SCHIP1: variants seen among roughly 807,000 people sequenced by gnomAD.
The protein encoded by SCHIP1 is schwannomin-interacting protein 1.
In SCHIP1, 8 loss-of-function variants were observed where a neutral mutation model predicts 29.7. The observed-to-expected ratio is 0.27, with a 90% confidence interval of 0.16 to 0.49. The LOEUF (loss-of-function observed/expected upper bound fraction) is 0.49. Ranked by LOEUF, SCHIP1 falls within the 20% of genes least tolerant of loss-of-function variation. The probability of loss-of-function intolerance (pLI) is 0.99; values close to 1 mark genes in which losing one functional copy is unlikely to be tolerated. For missense variants in SCHIP1, 193 were observed against 294.6 expected (o/e 0.66, Z 2.52); for synonymous variants, 76 against 94.9 (o/e 0.80, Z 1.16).
chr3:159,432,097 G>T, the SCHIP1 span, among the ~76,000 whole-genome samples: 14 of 152,174 alleles, frequency 9.2e-5, no homozygotes, highest in East Asian at 2.1e-3. Flanking sequence ...CTGTCATGAG[G>T]CTACAGTTAA....
chr3:159,532,199 G>A, the SCHIP1 span, among the ~76,000 whole-genome samples: 30 of 152,142 alleles, frequency 2.0e-4, no homozygotes, highest in East Asian at 3.9e-3. Context: ...GCAAGATGCC[G>A]CTTTTTTTCT....
the SCHIP1 span, among the ~76,000 whole-genome samples, chr3:159,592,266 G>A: frequency 2.0e-5 from 3 of 152,100 alleles, no homozygotes; most frequent in Non-Finnish European, 2.9e-5. Flanking sequence ...AAGGTGTTGT[G>A]CTGCCAAGGC....
the SCHIP1 span, among the ~76,000 whole-genome samples, chr3:159,328,203 G>A: frequency 0.01 from 1,523 of 152,256 alleles, 24 homozygotes; most frequent in Non-Finnish European, 0.015. Flanking sequence ...ACAAAACATA[G>A]TGTGTAATGA....
At chr3:159,470,063 A>C in the SCHIP1 span, among the ~76,000 whole-genome samples, 2 of 152,136 alleles carry the variant, frequency 1.3e-5, no homozygotes, top group Admixed American at 1.3e-4. Context: ...TTATCAATAG[A>C]TGTAAAAAAT....
At chr3:159,300,327 T>C in the SCHIP1 span, among the ~76,000 whole-genome samples, 1 of 151,538 alleles carries the variant, frequency 6.6e-6, no homozygotes, top group Non-Finnish European at 1.5e-5. Context: ...AGAGATGAAA[T>C]CTCACTATGT....
chr3:159,513,475 C>A, the SCHIP1 span, among the ~76,000 whole-genome samples: 1 of 112,094 alleles, frequency 8.9e-6, no homozygotes, highest in African/African-American at 4.5e-5. Flanking sequence ...TTTTCTTTTG[C>A]CTTTTTAGTA....
chr3:159,563,234 CCCT>C, the SCHIP1 span, among the ~76,000 whole-genome samples: 2 of 152,114 alleles, frequency 1.3e-5, no homozygotes, highest in Admixed American at 6.5e-5. Flanking sequence ...TTAATATTAT[CCCT>C]CCATGTGATT....
At chr3:159,839,837 G>T, upstream of SCHIP1, 2 of 1,258,360 alleles carry the variant, frequency 1.6e-6, no homozygotes, top group Non-Finnish European at 2.0e-6. Flanking sequence ...GCACCAGAAG[G>T]TCACACCAGC....
At chr3:159,644,011 A>C in the SCHIP1 span, among the ~76,000 whole-genome samples, 1 of 152,060 alleles carries the variant, frequency 6.6e-6, no homozygotes, top group Non-Finnish European at 1.5e-5. Context: ...CTCAACATAG[A>C]AACATTTCTA....
At chr3:159,669,022 C>A in the SCHIP1 span, among the ~76,000 whole-genome samples, 1 of 152,130 alleles carries the variant, frequency 6.6e-6, no homozygotes. Flanking sequence ...GTAGGTTCTA[C>A]AAGAGACCAG....
chr3:159,511,344 G>A, the SCHIP1 span, among the ~76,000 whole-genome samples: 7 of 152,276 alleles, frequency 4.6e-5, no homozygotes, highest in Middle Eastern at 3.4e-3. Flanking sequence ...GGGAGTGACC[G>A]GATTTTCCAG....
chr3:159,393,227 G>A, the SCHIP1 span, among the ~76,000 whole-genome samples: 4 of 152,146 alleles, frequency 2.6e-5, no homozygotes, highest in Non-Finnish European at 4.4e-5. Flanking sequence ...TTTGTCAGAT[G>A]AGTAGGCTGA....
the SCHIP1 span, among the ~76,000 whole-genome samples, chr3:159,733,911 T>C: frequency 6.6e-6 from 1 of 152,116 alleles, no homozygotes; most frequent in Non-Finnish European, 1.5e-5. Flanking sequence ...CCTTTCTCAT[T>C]CAGAAACATT....
chr3:159,511,277 A>G, the SCHIP1 span, among the ~76,000 whole-genome samples: 1 of 152,220 alleles, frequency 6.6e-6, no homozygotes, highest in Non-Finnish European at 1.5e-5. Flanking sequence ...CAAGTGCAGG[A>G]TATAGTCTCC....
the SCHIP1 span, among the ~76,000 whole-genome samples, chr3:159,586,483 C>T: frequency 1.3e-5 from 2 of 152,176 alleles, no homozygotes; most frequent in African/African-American, 4.8e-5. Flanking sequence ...CTAGTGAATC[C>T]TTTAACCCTA....
chr3:159,788,550 G>C, the SCHIP1 span, among the ~76,000 whole-genome samples: 3 of 152,114 alleles, frequency 2.0e-5, no homozygotes, highest in Non-Finnish European at 2.9e-5. Context: ...TTGCCCAAAG[G>C]AATTCAGTGG....
At chr3:159,446,043 A>AT in the SCHIP1 span, among the ~76,000 whole-genome samples, 14 of 151,440 alleles carry the variant, frequency 9.2e-5, no homozygotes, top group African/African-American at 3.4e-4. Flanking sequence ...AATAATAATA[A>AT]AAAGAAAATT....
At chr3:159,806,147 GT>G in the SCHIP1 span, among the ~76,000 whole-genome samples, 1 of 152,182 alleles carries the variant, frequency 6.6e-6, no homozygotes, top group Non-Finnish European at 1.5e-5. Context: ...AATCAATTGT[GT>G]TTTGAAGCTG....
the SCHIP1 span, among the ~76,000 whole-genome samples, chr3:159,287,424 C>T: frequency 1.3e-5 from 2 of 151,828 alleles, no homozygotes; most frequent in East Asian, 3.9e-4. Flanking sequence ...AAACTGTTGA[C>T]TCTTCATGAT....
Sources: gnomAD v4.1 joint callset for allele counts (sites outside exome capture counted in the v4.1 genomes callset) on GRCh38, gnomAD v4.1.1 for gene constraint, MANE v1.5 for transcripts, NCBI Gene and HGNC (gene_info 2026-07-23, HGNC 2026-07-21) for gene names.